Variants in PTPRR observed in about 807,000 individuals in gnomAD.
PTPRR encodes the protein protein tyrosine phosphatase receptor type R.
Under a neutral mutation model 77.2 loss-of-function variants are expected in PTPRR, and 38 were observed. The ratio of observed to expected loss-of-function variants is 0.49; its 90% CI spans 0.38 to 0.65. PTPRR has a LOEUF of 0.65. Ranked by LOEUF, PTPRR falls within the 30% of genes least tolerant of loss-of-function variation. The probability of loss-of-function intolerance (pLI) is 0.00; values close to 1 mark genes in which losing one functional copy is unlikely to be tolerated. For synonymous variants in PTPRR, 299 were observed against 283.1 expected (o/e 1.06, Z -0.57); for missense variants, 744 against 799.2 (o/e 0.93, Z 0.83).
chr12:70,811,980 C>T (rs371758181), intron 2 of PTPRR, among the ~76,000 whole-genome samples: 3 of 152,270 alleles, frequency 2.0e-5, no homozygotes, highest in East Asian at 3.9e-4. Context: ...TATAATATTA[C>T]CTTATTTTAG....
chr12:70,691,931 A>T (rs533695957), intron 8 of PTPRR, among the ~76,000 whole-genome samples: 4 of 152,336 alleles, frequency 2.6e-5, no homozygotes, highest in African/African-American at 9.6e-5. Flanking sequence ...TCCATTGTCT[A>T]AATGTCATCC....
intron 6 of PTPRR, among the ~76,000 whole-genome samples, chr12:70,714,564 TTA>T (rs894684803): frequency 1.3e-5 from 2 of 152,098 alleles, no homozygotes; most frequent in African/African-American, 2.4e-5. Flanking sequence ...AAATGCACAA[TTA>T]TATATATATG....
chr12:70,711,489 G>A (rs1466700490), intron 6 of PTPRR, among the ~76,000 whole-genome samples: 1 of 151,906 alleles, frequency 6.6e-6, no homozygotes, highest in African/African-American at 2.4e-5. Context: ...TTTATATTTA[G>A]GGGTAGTAGG....
intron 1 of PTPRR, among the ~76,000 whole-genome samples, chr12:70,913,447 A>T (rs1893729452): frequency 6.6e-6 from 1 of 152,146 alleles, no homozygotes; most frequent in Non-Finnish European, 1.5e-5. Context: ...GTAGATAATA[A>T]CCAATCAGTA....
intron 2 of PTPRR, among the ~76,000 whole-genome samples, chr12:70,777,689 C>T (rs541647062): frequency 6.6e-6 from 1 of 152,326 alleles, no homozygotes; most frequent in Admixed American, 6.5e-5. Flanking sequence ...TCCACCCTCT[C>T]TTTCTTCCTT....
chr12:70,823,509 A>G (rs956923233), intron 2 of PTPRR, among the ~76,000 whole-genome samples: 13 of 152,102 alleles, frequency 8.5e-5, no homozygotes, highest in South Asian at 2.1e-4. Context: ...AGTGCCCTAC[A>G]CTTATTTTTT....
intron 8 of PTPRR, among the ~76,000 whole-genome samples, chr12:70,692,770 A>C (rs1302113570): frequency 6.6e-6 from 1 of 152,100 alleles, no homozygotes; most frequent in Non-Finnish European, 1.5e-5. Context: ...TGACCTTCCC[A>C]GGCAGAATTA....
At chr12:70,867,068 C>A (rs1203488773) in intron 2 of PTPRR, among the ~76,000 whole-genome samples, 1 of 150,524 alleles carries the variant, frequency 6.6e-6, no homozygotes, top group Admixed American at 6.6e-5. Context: ...CTATGACAAA[C>A]CCACAGCCAA....
chr12:70,695,452 C>T (rs1457762209), intron 8 of PTPRR, among the ~76,000 whole-genome samples: 1 of 152,100 alleles, frequency 6.6e-6, no homozygotes, highest in Non-Finnish European at 1.5e-5. Context: ...GGGCATTCAG[C>T]CTGCAGACAT....
At chr12:70,709,370 G>A (rs897130007) in intron 6 of PTPRR, among the ~76,000 whole-genome samples, 3 of 152,114 alleles carry the variant, frequency 2.0e-5, no homozygotes, top group African/African-American at 4.8e-5. Context: ...ATACTTGAAT[G>A]GGCAAAAGCC....
chr12:70,827,901 T>C (rs1251398324), intron 2 of PTPRR, among the ~76,000 whole-genome samples: 2 of 151,902 alleles, frequency 1.3e-5, no homozygotes, highest in African/African-American at 4.8e-5. Context: ...TTTGTGTTTT[T>C]AGTAGAGACG....
intron 1 of PTPRR, among the ~76,000 whole-genome samples, chr12:70,902,665 GAT>G (rs1408661670): frequency 6.6e-6 from 1 of 151,724 alleles, no homozygotes; most frequent in African/African-American, 2.4e-5. Flanking sequence ...TGTTCTCACT[GAT>G]ATGTGGGAGC....
intron 10 of PTPRR, among the ~76,000 whole-genome samples, chr12:70,677,194 G>A (rs1226393539): frequency 1.3e-5 from 2 of 152,038 alleles, no homozygotes; most frequent in African/African-American, 4.8e-5. Flanking sequence ...AAATGGAATT[G>A]TTTTCTTGAT....
At chr12:70,785,049 C>T (rs192412928) in intron 2 of PTPRR, among the ~76,000 whole-genome samples, 119 of 152,228 alleles carry the variant, frequency 7.8e-4, no homozygotes, top group Non-Finnish European at 1.2e-4. Context: ...AAGGTCAAAA[C>T]GGCACATTTT....
chr12:70,879,643 T>C (rs1893114828), intron 2 of PTPRR, among the ~76,000 whole-genome samples: 1 of 152,172 alleles, frequency 6.6e-6, no homozygotes, highest in Admixed American at 6.5e-5. Flanking sequence ...AATTCTATCT[T>C]AAGAAATATA....
chr12:70,647,028 C>T (rs539598429), intron 13 of PTPRR, among the ~76,000 whole-genome samples: 1 of 152,138 alleles, frequency 6.6e-6, no homozygotes, highest in South Asian at 2.1e-4. Flanking sequence ...TTGGAAGCAT[C>T]TTTTTATCCT....
intron 6 of PTPRR, among the ~76,000 whole-genome samples, chr12:70,727,765 C>T (rs976713296): frequency 4.6e-5 from 7 of 152,098 alleles, no homozygotes; most frequent in South Asian, 4.1e-4. Flanking sequence ...ATGGCCAAAA[C>T]GTGAGAAAGA....
At chr12:70,719,536 CAAAAAAAAAAATCATTTTTTT>C (rs1258031066) in intron 6 of PTPRR, among the ~76,000 whole-genome samples, 1 of 150,492 alleles carries the variant, frequency 6.6e-6, no homozygotes, top group African/African-American at 2.5e-5. Context: ...AGCAAAAGGG[CAAAAAAAAAAATCATTTTTTT>C]AAAAAAATAA....
At chr12:70,878,195 G>C (rs945411489) in intron 2 of PTPRR, among the ~76,000 whole-genome samples, 1 of 152,116 alleles carries the variant, frequency 6.6e-6, no homozygotes, top group Non-Finnish European at 1.5e-5. Flanking sequence ...CATGAGCAAG[G>C]ACTTCATGAC....
Sources: allele counts gnomAD v4.1 joint callset (sites outside exome capture counted in the v4.1 genomes callset), GRCh38; gene constraint gnomAD v4.1.1; transcripts MANE v1.5; gene names NCBI Gene and HGNC (gene_info 2026-07-23, HGNC 2026-07-21).